AIFM1: variants seen among roughly 807,000 people sequenced by gnomAD.
The protein encoded by AIFM1 is apoptosis inducing factor mitochondria associated 1, also known as apoptosis-inducing factor 1, mitochondrial.
Under a neutral mutation model 51.7 loss-of-function variants are expected in AIFM1, and 3 were observed. The observed-to-expected ratio is 0.06, with a 90% confidence interval of 0.03 to 0.15. AIFM1 has a LOEUF of 0.15. AIFM1 is among the 10% of genes least tolerant of loss of function. The pLI is 1.00. For synonymous variants in AIFM1, 178 were observed against 179.4 expected, an observed-to-expected ratio of 0.99 and a Z score of 0.06; for missense variants, 330 against 476.8, an observed-to-expected ratio of 0.69 and a Z score of 2.87.
intron 10 of AIFM1, 31 bp from the exon 11 acceptor site, chrX:130,136,762 C>G: frequency 8.5e-7 from 1 of 1,172,368 alleles, no homozygotes; most frequent in Non-Finnish European, 1.2e-6. Context: ...TGAGAGTGAG[C>G]CTACAAGGCT....
rs768366540 is a variant in AIFM1 at position 130,138,596 on chromosome X, T to G, written c.964A>C (p.Lys322Gln). 2 of 1,199,699 alleles carry G rather than the reference T, an allele frequency of 1.7e-6. No individual in the cohort carries two copies. Among genetic ancestry groups the G allele is most frequent in the African/African-American group, 3.5e-5 (2 of 56,946 alleles). The change falls in exon 9 of 16, where the codon AAG becomes CAG. Residue 322 changes from lysine to glutamine, a missense_variant. Coordinates refer to ENST00000287295, the MANE Select transcript of AIFM1 (RefSeq NM_004208.4). ...AAGGTCACTCCTCAATACTCACCCT[T>G]TCTGCCAAGAGCACAGGCCAGTTCG... Reference protein sequence around the residue: ...GSELACALGRKARALGTEVIQ... With the variant: ...GSELACALGRQARALGTEVIQ...
rs138309344 is a variant in AIFM1, at chrX:130,141,099, G to C, written c.697-482C>G. Among the ~76,000 whole-genome samples, 536 of 112,069 alleles carry C rather than the reference G, an allele frequency of 4.8e-3. 5 individuals are homozygous for C. The highest frequency in any genetic ancestry group is 0.017 in the African/African-American group (517 of 30,750). ...CCACTGCACTCCAGCCTGGGCAACA[G>C]AGCAAGATTCTGTCTCAAAAACAAA... is the stretch of plus-strand genomic sequence containing the variant. On this transcript the variant is annotated intron_variant, in intron 6 of 15. Coordinates refer to ENST00000287295, the MANE Select transcript of AIFM1 (RefSeq NM_004208.4).
chrX:130,162,382 T>G (rs1030101396), intron 1 of AIFM1, among the ~76,000 whole-genome samples: 1 of 111,924 alleles, frequency 8.9e-6, no homozygotes, highest in Non-Finnish European at 1.9e-5. Context: ...AAAATACAGA[T>G]TCCCAGAATT....
At chrX:130,138,227 A>G (rs1229312530) in intron 9 of AIFM1, among the ~76,000 whole-genome samples, 1 of 111,383 alleles carries the variant, frequency 9.0e-6, no homozygotes, top group East Asian at 2.8e-4. Context: ...GCACTTTGGG[A>G]GGCCAAGGTG....
chrX:130,149,687 C>G (rs1283906272), intron 2 of AIFM1, 119 bp from the exon 3 acceptor site: 4 of 548,741 alleles, frequency 7.3e-6, no homozygotes, highest in African/African-American at 2.3e-5. Context: ...TCCTCTATGT[C>G]AAAACCACTA....
At chrX:130,158,491 T>A (rs1316924081) in intron 1 of AIFM1, among the ~76,000 whole-genome samples, 2 of 109,745 alleles carry the variant, frequency 1.8e-5, no homozygotes, top group Non-Finnish European at 3.8e-5. Context: ...ATTCAATAGA[T>A]CTGGGATGGG....
At position 130,145,539 on chromosome X, in the gene AIFM1, G is replaced by C. The variant is rs1297398576; in HGVS notation, c.636C>G (p.Val212=). The change falls in exon 6 of 16, where the codon GTC becomes GTG. Residue 212 remains valine, a synonymous_variant. Coordinates refer to ENST00000287295, the MANE Select transcript of AIFM1 (RefSeq NM_004208.4). The stretch of plus-strand genomic sequence containing the variant: ...CAATATGAGGCAGGTCCTGAGCAGA[G>C]ACATAGAAAGAAGGTGGCTGGAAAT... ...SIYFQPPSFY[V]SAQDLPHIEN... is the part of the protein sequence containing the mutation. 1 of 1,208,071 alleles carries C rather than the reference G, an allele frequency of 8.3e-7. No homozygotes were observed. The highest frequency in any genetic ancestry group is 1.8e-5 in the South Asian group (1 of 56,866).
At position 130,138,293 on chromosome X, in the gene AIFM1, A is replaced by G. The variant is rs190213794; in HGVS notation, c.967+300T>C. Among the ~76,000 whole-genome samples, 987 of 109,589 alleles carry G rather than the reference A, an allele frequency of 9.0e-3. 8 individuals are homozygous for G. The highest frequency in any genetic ancestry group is 0.031 in the African/African-American group (922 of 30,121). ...GTCCTGGCTAACACGGTGAAACCCC[A>G]TCTCTACTAAAAATACAAAAAATTA... On this transcript the variant is annotated intron_variant, in intron 9 of 15. Transcript: ENST00000287295.
At chrX:130,131,434 G>A (rs1367344861) in intron 14 of AIFM1, among the ~76,000 whole-genome samples, 1 of 112,637 alleles carries the variant, frequency 8.9e-6, no homozygotes, top group Non-Finnish European at 1.9e-5. Flanking sequence ...GCTAGCCACT[G>A]TCCACTGTCT....
At chrX:130,130,862 A>G (rs1466491478) in intron 14 of AIFM1, among the ~76,000 whole-genome samples, 1 of 112,365 alleles carries the variant, frequency 8.9e-6, no homozygotes, top group Non-Finnish European at 1.9e-5. Context: ...CAGCCTCCAA[A>G]TAATACTGTC....
At chrX:130,164,339 C>A (rs776738510) in intron 1 of AIFM1, among the ~76,000 whole-genome samples, 1 of 112,392 alleles carries the variant, frequency 8.9e-6, no homozygotes, top group Non-Finnish European at 1.9e-5. Context: ...GGACATAACT[C>A]AAATACACCT....
At chrX:130,133,632 T>TC (rs1217117247) in intron 12 of AIFM1, among the ~76,000 whole-genome samples, 177 bp from the exon 13 acceptor site, 1 of 37,237 alleles carries the variant, frequency 2.7e-5, no homozygotes, top group Non-Finnish European at 4.6e-5. Flanking sequence ...CCATTTAAAT[T>TC]TTTTTTTTTT....
Position 130,148,577 on chromosome X carries a change from T to TAA in AIFM1, c.350-703_350-702dup, listed in dbSNP as rs762340117. Among the ~76,000 whole-genome samples the TAA allele has an allele frequency of 1.1e-4, 12 of 111,269 alleles. No homozygotes were observed. In the South Asian group the frequency reaches 3.8e-3, roughly 35 times the overall value. On this transcript the variant is annotated intron_variant, in intron 3 of 15. Coordinates refer to ENST00000287295, the MANE Select transcript of AIFM1 (RefSeq NM_004208.4). ...GGCTGGGCGTGGTGGCTCCCACCTG[T>TAA]AATCCCAGCACTTTGGGAGGCCGAA...
At chrX:130,131,539 G>T in intron 14 of AIFM1, 136 bp downstream of exon 14, 1 of 942,756 alleles carries the variant, frequency 1.1e-6, no homozygotes, top group Non-Finnish European at 1.5e-6. Flanking sequence ...CTTGGGGTTT[G>T]GTTTCTTTTA....
At chrX:130,132,359 AAT>A (rs2030126750) in intron 13 of AIFM1, among the ~76,000 whole-genome samples, 1 of 112,172 alleles carries the variant, frequency 8.9e-6, no homozygotes. Flanking sequence ...AACGTTCTTG[AAT>A]TTATTCGTGC....
chrX:130,149,636 C>A, intron 2 of AIFM1, 68 bp from the exon 3 acceptor site: 2 of 785,953 alleles, frequency 2.5e-6, no homozygotes, highest in South Asian at 4.2e-5. Context: ...GTAATATTAT[C>A]TTTCAATTAA....
Position 130,130,013 on chromosome X carries a change from A to G in AIFM1, c.1727T>C (p.Ile576Thr). Residue 576 changes from isoleucine (I) to threonine (T), a missense_variant, in exon 15 of 16, where the codon ATT (isoleucine) becomes ACT (threonine). Physicochemically the swap from Ile to Thr is moderately conservative, Grantham distance 89. This residue lies in a region of AIFM1 where 12 missense variants were observed against 32.1 expected (regional missense o/e 0.37). Transcript: ENST00000287295. ...FYLRDKVVVGIVLWNIFNRMP... is the reference protein window; with the variant it reads ...FYLRDKVVVGTVLWNIFNRMP... ...TCGGTTAAAGATGTTCCATAGCACAATCCCCACGACCACTTTGTCCCTGAG... is the reference window on the plus strand; with the variant it reads ...TCGGTTAAAGATGTTCCATAGCACAGTCCCCACGACCACTTTGTCCCTGAG... The G allele has an allele frequency of 8.3e-7, 1 of 1,211,469 alleles. No individual in the cohort carries two copies. The highest frequency in any genetic ancestry group is 1.1e-6 in the Non-Finnish European group (1 of 895,450).
Position 130,136,668 on chromosome X carries a change from A to C in AIFM1, c.1139T>G (p.Leu380Arg). Residue 380 changes from leucine to arginine, a missense_variant, in exon 11 of 16, where the codon CTT becomes CGT. Leu to Arg is a moderately radical substitution (Grantham distance 102). Around this residue, in one of 4 missense-constraint regions of AIFM1, gnomAD observed 152 missense variants for 292.8 expected, o/e 0.52. Transcript: ENST00000287295. ...CTTCCTGCCGTCTTTCAGCTTGATA[A>C]GTAACTTGCCACTGCTGACTCCAAC... ...QSVGVSSGKLLIKLKDGRKVE... is the reference protein window; with the variant it reads ...QSVGVSSGKLRIKLKDGRKVE... 1 of 1,210,918 alleles carries C rather than the reference A, an allele frequency of 8.3e-7. No homozygotes were observed. Among genetic ancestry groups the C allele is most frequent in the Non-Finnish European group, 1.1e-6 (1 of 895,178 alleles).
chrX:130,158,357 T>C (rs1435103383), intron 1 of AIFM1, among the ~76,000 whole-genome samples: 3 of 112,381 alleles, frequency 2.7e-5, no homozygotes, highest in African/African-American at 9.7e-5. Flanking sequence ...TGACTGGCTT[T>C]GGCCTGTGGC....
Sources: gnomAD v4.1 joint callset for allele counts (sites outside exome capture counted in the v4.1 genomes callset) on GRCh38, gnomAD v4.1.1 for gene constraint, gnomAD v4.1.1 regional missense constraint, MANE v1.5 for transcripts, NCBI Gene and HGNC (gene_info 2026-07-23, HGNC 2026-07-21) for gene names.